Variants in SPNS1 observed in about 807,000 individuals in gnomAD.
SPNS1 encodes the protein protein spinster homolog 1.
A neutral mutation model predicts 50.3 loss-of-function variants in SPNS1; 22 were observed. That is an observed-to-expected ratio of 0.44 (90% CI 0.31 to 0.62). The LOEUF is 0.62. Among genes scored for constraint, SPNS1 ranks in the 20% least tolerant of loss-of-function variants. The pLI is 0.07. For synonymous variants in SPNS1, 295 were observed against 317.4 expected (o/e 0.93, Z 0.75); for missense variants, 576 against 728.6 (o/e 0.79, Z 2.41).
At position 28,977,971 on chromosome 16, in the gene SPNS1, G is replaced by A; in HGVS notation, c.371G>A (p.Arg124Gln). The A allele has an allele frequency of 6.2e-7, 1 of 1,613,924 alleles. No homozygotes were observed. The highest frequency in any genetic ancestry group is 8.5e-7 in the Non-Finnish European group (1 of 1,179,920). ...VFGYLGDRYNRKYLMCGGIAF... is the reference protein window; with the variant it reads ...VFGYLGDRYNQKYLMCGGIAF... ...GGCTACCTGGGTGACAGGTACAATCGGAAGTATCTCATGTGCGGGGGCATT... is the reference window on the plus strand; with the variant it reads ...GGCTACCTGGGTGACAGGTACAATCAGAAGTATCTCATGTGCGGGGGCATT... Residue 124 changes from arginine (R) to glutamine (Q), a missense_variant, in exon 3 of 12, where the codon CGG becomes CAG. Coordinates refer to ENST00000311008, the MANE Select transcript of SPNS1 (RefSeq NM_032038.3).
Position 28,981,851 on chromosome 16 carries a change from G to T in SPNS1, c.810-50G>T, listed in dbSNP as rs752701574. 2.5e-6 allele frequency: 4 copies of T among 1,605,560 alleles called. No homozygotes were observed. Among genetic ancestry groups the T allele is most frequent in the South Asian group, 1.1e-5 (1 of 90,980 alleles). On this transcript the variant is annotated intron_variant, in intron 6 of 11. Transcript: ENST00000311008. The surrounding 1 kb of genome is among the most constrained non-coding windows in gnomAD (Gnocchi z 4.2). ...GAAGGGAGAAGAGAGGTCCCCTCCT[G>T]CCTCGACACCTCCGTGGGGTCTTAC...
chr16:28,981,131 G>A lies in SPNS1; in HGVS notation c.664-339G>A, dbSNP rs573239463. Among the ~76,000 whole-genome samples, 135 of 152,282 alleles carry A rather than the reference G, an allele frequency of 8.9e-4. No individual in the cohort carries two copies. The highest frequency in any genetic ancestry group is 1.7e-3 in the Non-Finnish European group (117 of 68,034). ...GTCTGACTAGATGAACATGCATCAC[G>A]TGCCCTCTGCGGAATCCGTCACCGA... On this transcript the variant is annotated intron_variant, in intron 5 of 11. Transcript: ENST00000311008. This position sits in a 1 kb window ranked among gnomAD's most constrained non-coding sequence, Gnocchi z 4.2.
rs1163267633 is a variant in SPNS1, at chr16:28,975,566, G to A, written c.307+9G>A. 2.5e-6 allele frequency: 4 copies of A among 1,613,544 alleles called. No homozygotes were observed. Among genetic ancestry groups the A allele is most frequent in the East Asian group, 2.2e-5 (1 of 44,894 alleles). ...TGGGCTCATCCAGACCGGTGAGTGG[G>A]GACCACTCCTGGTCACACAGCCGCT... On this transcript the variant is annotated intron_variant, in intron 2 of 11. Transcript: ENST00000311008.
Position 28,982,214 on chromosome 16 carries a change from A to G in SPNS1, c.966-142A>G. 3.0e-6 allele frequency: 4 copies of G among 1,346,390 alleles called. No individual in the cohort carries two copies. The South Asian group carries it at 4.1e-5, about 14-fold the overall frequency. The allele number at this position is 1,346,390 out of a possible 1,614,324, so 83.4% of individuals were successfully genotyped here. The stretch of plus-strand genomic sequence containing the variant: ...CCTGGTCTGGGAAATAAGTGATGGG[A>G]TGATGTCTGCCACTCAGGGCTGTGC... On this transcript the variant is annotated intron_variant, in intron 7 of 11. Coordinates refer to ENST00000311008, the MANE Select transcript of SPNS1 (RefSeq NM_032038.3).
Position 28,982,514 on chromosome 16 carries a change from C to T in SPNS1, c.1124C>T (p.Ala375Val), listed in dbSNP as rs769614612. 9 of 1,611,904 alleles carry T rather than the reference C, an allele frequency of 5.6e-6. No individual in the cohort carries two copies. Among genetic ancestry groups the T allele is most frequent in the African/African-American group, 1.3e-5 (1 of 75,010 alleles). Residue 375 changes from alanine (A) to valine (V), a missense_variant, in exon 8 of 12, where the codon GCC becomes GTC. This residue lies in a region of SPNS1 where 428 missense variants were observed against 520.1 expected (regional missense o/e 0.82). Coordinates refer to ENST00000311008, the MANE Select transcript of SPNS1 (RefSeq NM_032038.3). ...GSAPFLFLSLACARGSIVATY... is the reference protein window; with the variant it reads ...GSAPFLFLSLVCARGSIVATY... ...GCACCCTTCCTCTTCCTGTCCCTTG[C>T]CTGCGCCCGTGGTAGCATCGTGGCC...
In SPNS1 at chr16:28,975,031, C is replaced by G. The variant is rs1481181260; in HGVS notation, c.-121C>G. The G allele has an allele frequency of 7.0e-7, 1 of 1,432,660 alleles. No homozygotes were observed. The highest frequency in any genetic ancestry group is 1.4e-5 in the African/African-American group (1 of 69,394). 88.7% of individuals were successfully genotyped at this position (1,432,660 alleles called of 1,614,324 possible). A position where few individuals can be genotyped will look rare whatever the true frequency, so the allele number is the denominator to read the frequency against. On this transcript the variant is annotated 5_prime_UTR_variant, in exon 1 of 12. Transcript: ENST00000311008. ...TGCTCTGTGCTTCAGGGCAAGCTCC[C>G]CGTCTCCGGGCGCACTTCCCTCGCC...
In SPNS1 at chr16:28,981,380, G is replaced by GCTGGAGTTAT; in HGVS notation, c.664-86_664-77dup. The stretch of plus-strand genomic sequence containing the variant: ...CTTAACTGGGTATTTTAGGTCTCAG[G>GCTGGAGTTAT]CTGGAGTTATCTGTACCCCACACTC... On this transcript the variant is annotated intron_variant, in intron 5 of 11. Coordinates refer to ENST00000311008, the MANE Select transcript of SPNS1 (RefSeq NM_032038.3). The surrounding 1 kb of genome is among the most constrained non-coding windows in gnomAD (Gnocchi z 4.2). The GCTGGAGTTAT allele has an allele frequency of 6.5e-7, 1 of 1,535,528 alleles. No individual in the cohort carries two copies. The highest frequency in any genetic ancestry group is 1.2e-5 in the South Asian group (1 of 85,994).
At position 28,983,145 on chromosome 16, in the gene SPNS1, C is replaced by G. The variant is rs749739177; in HGVS notation, c.1222-47C>G. 1 of 1,476,546 alleles carries G rather than the reference C, an allele frequency of 6.8e-7. No homozygotes were observed. The highest frequency in any genetic ancestry group is 9.5e-7 in the Non-Finnish European group (1 of 1,056,794). The allele number at this position is 1,476,546 out of a possible 1,614,324, so 91.5% of individuals were successfully genotyped here. A position where few individuals can be genotyped will look rare whatever the true frequency, so the allele number is the denominator to read the frequency against. On this transcript the variant is annotated intron_variant, in intron 9 of 11. Coordinates refer to ENST00000311008, the MANE Select transcript of SPNS1 (RefSeq NM_032038.3). The surrounding 1 kb of genome is among the most constrained non-coding windows in gnomAD (Gnocchi z 5.4). ...GGTCTCCTGGCCCCCTGCCTCCTGC[C>G]CCCTGGAGCCCAGAGCATCCACTGA...
Position 28,983,837 on chromosome 16 carries a change from C to T in SPNS1, c.1372C>T (p.Arg458Trp), listed in dbSNP as rs748297241. 11 of 1,604,492 alleles carry T rather than the reference C, an allele frequency of 6.9e-6. No individual in the cohort carries two copies. Among genetic ancestry groups the T allele is most frequent in the African/African-American group, 1.3e-5 (1 of 74,886 alleles). ...NWPPSFLSEF[R>W]ALQFSLMLCA... ...GCCCCCCTCCTTCTTGTCCGAGTTCCGGGCTCTGCAGTTCTCGCTCATGCT... is the reference window on the plus strand; with the variant it reads ...GCCCCCCTCCTTCTTGTCCGAGTTCTGGGCTCTGCAGTTCTCGCTCATGCT... Residue 458 changes from arginine (R) to tryptophan (W), a missense_variant, in exon 11 of 12, where the codon CGG becomes TGG. By Grantham distance (101) the Arg-to-Trp change is moderately radical. Around this residue, in one of 3 missense-constraint regions of SPNS1, gnomAD observed 428 missense variants for 520.1 expected, o/e 0.82. Coordinates refer to ENST00000311008, the MANE Select transcript of SPNS1 (RefSeq NM_032038.3). This position sits in a 1 kb window ranked among gnomAD's most constrained non-coding sequence, Gnocchi z 5.4.
chr16:28,984,667 G>T, downstream of SPNS1: 1 of 641,284 alleles, frequency 1.6e-6, no homozygotes, highest in Non-Finnish European at 2.8e-6. Context: ...GCCCTTCTGG[G>T]CTGGGCGACT....
chr16:28,984,417 G>GGGC lies in SPNS1; in HGVS notation c.*118_*119insGGC. The GGGC allele has an allele frequency of 9.6e-7, 1 of 1,043,092 alleles. No homozygotes were observed. 64.6% of individuals were successfully genotyped at this position (1,043,092 alleles called of 1,614,324 possible). ...CTTCCAGAGGGACCCTGGGCCGTGT[G>GGGC]CCAGCTCCCAGACACTACCTGGGTA... is the stretch of plus-strand genomic sequence containing the variant. On this transcript the variant is annotated 3_prime_UTR_variant, in exon 12 of 12. Transcript: ENST00000311008.
At chr16:28,982,966 G>A in intron 9 of SPNS1, 44 bp downstream of exon 9, 1 of 1,606,460 alleles carries the variant, frequency 6.2e-7, no homozygotes, top group Non-Finnish European at 8.5e-7. Context: ...AGGCTGATGA[G>A]AGCAGAGTTG....
chr16:28,984,028 C>G, intron 11 of SPNS1, 71 bp downstream of exon 11: 1 of 1,500,088 alleles, frequency 6.7e-7, no homozygotes, highest in South Asian at 1.3e-5. Flanking sequence ...CTGCCCACTC[C>G]TGTGCACCTG....
chr16:28,983,010 C>G lies in SPNS1; in HGVS notation c.1221+88C>G. On this transcript the variant is annotated intron_variant, in intron 9 of 11. Transcript: ENST00000311008. The surrounding 1 kb of genome is among the most constrained non-coding windows in gnomAD (Gnocchi z 5.4). ...AGTGTTGCCTCTACCCCTCAAAGCC[C>G]AGCCTCAACCTACCTTCTGCAATAA... The G allele has an allele frequency of 7.0e-7, 1 of 1,434,364 alleles. No homozygotes were observed. The allele number at this position is 1,434,364 out of a possible 1,614,324, so 88.9% of individuals were successfully genotyped here.
intron 1 of SPNS1, 47 bp from the exon 2 acceptor site, chr16:28,975,445 C>A: frequency 6.2e-7 from 1 of 1,614,244 alleles, no homozygotes; most frequent in Non-Finnish European, 8.5e-7. Context: ...AGCCAGGGTC[C>A]CGAGGGTGGC....
Position 28,983,070 on chromosome 16 carries a change from G to C in SPNS1, c.1222-122G>C. 8.3e-7 allele frequency: 1 copy of C among 1,209,514 alleles called. No homozygotes were observed. Among genetic ancestry groups the C allele is most frequent in the Non-Finnish European group, 1.2e-6 (1 of 834,470 alleles). 74.9% of individuals were successfully genotyped at this position (1,209,514 alleles called of 1,614,324 possible). ...GTAGCAGACCCCCGGCCTGCCCTGC[G>C]ACCTCAACCCCAGGCACACCTCTGA... On this transcript the variant is annotated intron_variant, in intron 9 of 11. Coordinates refer to ENST00000311008, the MANE Select transcript of SPNS1 (RefSeq NM_032038.3). This position sits in a 1 kb window ranked among gnomAD's most constrained non-coding sequence, Gnocchi z 5.4.
chr16:28,974,834 G>T lies in SPNS1; in HGVS notation c.-318G>T, dbSNP rs1414480343. On this transcript the variant is annotated 5_prime_UTR_variant, in exon 1 of 12. Coordinates refer to ENST00000311008, the MANE Select transcript of SPNS1 (RefSeq NM_032038.3). ...CCGTGGTGCAGCGCCCGGGCTGAGC[G>T]ACAGCAAGTGCAGCGGGCTCCTACC... is the stretch of plus-strand genomic sequence containing the variant. The T allele has an allele frequency of 2.0e-6, 3 of 1,535,684 alleles. No homozygotes were observed. Among genetic ancestry groups the T allele is most frequent in the Non-Finnish European group, 2.6e-6 (3 of 1,146,580 alleles).
At position 28,974,865 on chromosome 16, in the gene SPNS1, T is replaced by G. The variant is rs974818081; in HGVS notation, c.-287T>G. On this transcript the variant is annotated 5_prime_UTR_variant, in exon 1 of 12. Transcript: ENST00000311008. ...AAGTGCAGCGGGCTCCTACCCCGGG[T>G]GAGGGGTGGCCTCCGCGTGGGATCG... The G allele has an allele frequency of 6.5e-7, 1 of 1,535,214 alleles. No individual in the cohort carries two copies.
intron 3 of SPNS1, 90 bp downstream of exon 3, chr16:28,978,134 T>C: frequency 6.5e-7 from 1 of 1,527,582 alleles, no homozygotes; most frequent in Non-Finnish European, 8.9e-7. Context: ...AGACTGGGCC[T>C]CAGGGACTCC....
Sources: allele counts gnomAD v4.1 joint callset (sites outside exome capture counted in the v4.1 genomes callset), GRCh38; gene constraint gnomAD v4.1.1; regional missense constraint gnomAD v4.1.1; non-coding constraint Gnocchi (gnomAD v3.1); transcripts MANE v1.5; gene names NCBI Gene and HGNC (gene_info 2026-07-23, HGNC 2026-07-21).